Variants in RSBN1 observed in about 807,000 individuals in gnomAD.
RSBN1 encodes the protein lysine-specific demethylase 9.
In RSBN1, 23 loss-of-function variants were observed where a neutral mutation model predicts 74.8. The observed-to-expected ratio is 0.31, with a 90% CI of 0.22 to 0.44. The LOEUF (loss-of-function observed/expected upper bound fraction) is 0.44. Among genes scored for constraint, RSBN1 ranks in the 20% least tolerant of loss-of-function variants. The pLI is 1.00. For missense variants in RSBN1, 808 were observed against 1,020.9 expected (o/e 0.79, Z 2.84); for synonymous variants, 407 against 379.6 (o/e 1.07, Z -0.84).
rs369673113 is a variant in RSBN1, at chr1:113,812,013, C to T, written c.400G>A (p.Val134Ile). ...PLPPTNAAPTVPGPVEPLLLP... is the reference protein window; with the variant it reads ...PLPPTNAAPTIPGPVEPLLLP... ...AGAAGAGGCTCAACAGGGCCTGGGA[C>T]AGTTGGGGCTGCATTCGTTGGCGGC... is the stretch of plus-strand genomic sequence containing the variant. The change falls in exon 1 of 7, where the codon GTC becomes ATC. Residue 134 changes from valine (V) to isoleucine (I), a missense_variant. Physicochemically the swap from Val to Ile is conservative, Grantham distance 29 (BLOSUM62 3). This residue lies in a region of RSBN1 where 464 missense variants were observed against 401.0 expected (regional missense o/e 1.16). Transcript: ENST00000261441. The T allele has an allele frequency of 1.4e-5, 22 of 1,541,472 alleles. No homozygotes were observed. The highest frequency in any genetic ancestry group is 1.7e-5 in the Non-Finnish European group (19 of 1,144,202).
At chr1:113,779,591 A>T (rs964908008) in intron 2 of RSBN1, among the ~76,000 whole-genome samples, 67 of 152,364 alleles carry the variant, frequency 4.4e-4, no homozygotes, top group African/African-American at 1.4e-3. Flanking sequence ...ATCATGGGAT[A>T]TAGAGATAAG....
At chr1:113,792,485 T>C (rs2101813638) in intron 2 of RSBN1, among the ~76,000 whole-genome samples, 1 of 152,284 alleles carries the variant, frequency 6.6e-6, no homozygotes, top group Non-Finnish European at 1.5e-5. Flanking sequence ...GGAGAATCCG[T>C]TGAGACCAGG....
intron 2 of RSBN1, among the ~76,000 whole-genome samples, chr1:113,791,640 A>G (rs968977511): frequency 6.6e-6 from 1 of 152,184 alleles, no homozygotes; most frequent in African/African-American, 2.4e-5. Context: ...TGTGAATAGA[A>G]AGGCATTCCT....
At chr1:113,792,669 T>C (rs1660389864) in intron 2 of RSBN1, among the ~76,000 whole-genome samples, 1 of 152,218 alleles carries the variant, frequency 6.6e-6, no homozygotes, top group African/African-American at 2.4e-5. Context: ...CTGAAGTTTA[T>C]GTACTGGGGT....
In RSBN1 at chr1:113,797,568, A is replaced by C; in HGVS notation, c.1172T>G (p.Phe391Cys). Reference protein sequence around the residue: ...SFLSPMEMERFSEEFLALTFS... With the variant: ...SFLSPMEMERCSEEFLALTFS... ...TGTCAAAGCAAGAAACTCCTCAGAA[A>C]ATCTCTCCATCTCCATTGGAGACAA... The change falls in exon 2 of 7, where the codon TTT (phenylalanine) becomes TGT (cysteine). Residue 391 changes from phenylalanine (F) to cysteine (C), a missense_variant. By Grantham distance (205) the Phe-to-Cys change is radical (BLOSUM62 -2). Coordinates refer to ENST00000261441, the MANE Select transcript of RSBN1 (RefSeq NM_018364.5). 6.2e-7 allele frequency: 1 copy of C among 1,612,196 alleles called. No homozygotes were observed. Among genetic ancestry groups the C allele is most frequent in the Non-Finnish European group, 8.5e-7 (1 of 1,178,942 alleles).
chr1:113,768,029 G>T (rs537092720), intron 5 of RSBN1, 193 bp downstream of exon 5: 83 of 445,602 alleles, frequency 1.9e-4, no homozygotes, highest in Non-Finnish European at 2.7e-4. Context: ...AAGATGAAAA[G>T]GTTCTGGAGC....
chr1:113,798,999 T>C (rs1046882850), intron 1 of RSBN1, among the ~76,000 whole-genome samples: 1 of 152,178 alleles, frequency 6.6e-6, no homozygotes, highest in South Asian at 2.1e-4. Flanking sequence ...TCAGCACTTA[T>C]ACTCTGTGTT....
At chr1:113,772,619 T>C (rs548533902) in intron 4 of RSBN1, among the ~76,000 whole-genome samples, 33 of 152,220 alleles carry the variant, frequency 2.2e-4, no homozygotes, top group Admixed American at 7.2e-4. Context: ...CCTTGGTAAC[T>C]GAACAGCTTC....
intron 4 of RSBN1, among the ~76,000 whole-genome samples, chr1:113,775,949 C>T (rs1258851106): frequency 6.6e-6 from 1 of 152,154 alleles, no homozygotes. Flanking sequence ...CTCCTATGAG[C>T]CTTAAGTTAA....
intron 1 of RSBN1, among the ~76,000 whole-genome samples, chr1:113,808,728 A>G (rs1374897934): frequency 6.6e-6 from 1 of 152,224 alleles, no homozygotes; most frequent in Non-Finnish European, 1.5e-5. Flanking sequence ...CACATACTGT[A>G]TGATTCAACT....
Position 113,811,946 on chromosome 1 carries a change from G to A in RSBN1, c.467C>T (p.Pro156Leu), listed in dbSNP as rs1458795742. Residue 156 changes from proline (P) to leucine (L), a missense_variant, in exon 1 of 7, where the codon CCC becomes CTC. Physicochemically the swap from Pro to Leu is moderately conservative, Grantham distance 98. Transcript: ENST00000261441. ...GGCCGGGAGAGGGGCAGCGACAGCG[G>A]GCCCGGCGGGTGCCAGCGAAGGTGG... ...PPPPSLAPAGPAVAAPLPAPS... is the reference protein window; with the variant it reads ...PPPPSLAPAGLAVAAPLPAPS... 2 of 1,592,526 alleles carry A rather than the reference G, an allele frequency of 1.3e-6. No homozygotes were observed. Among genetic ancestry groups the A allele is most frequent in the South Asian group, 2.2e-5 (2 of 89,414 alleles).
intron 2 of RSBN1, among the ~76,000 whole-genome samples, chr1:113,788,579 T>C (rs930650672): frequency 6.6e-6 from 1 of 152,130 alleles, no homozygotes; most frequent in Non-Finnish European, 1.5e-5. Flanking sequence ...CAGGAATCAT[T>C]ATGGCATTGG....
In RSBN1 at chr1:113,812,337, G is replaced by A. The variant is rs1660892492; in HGVS notation, c.76C>T (p.Arg26Trp). 1 of 1,603,736 alleles carries A rather than the reference G, an allele frequency of 6.2e-7. No individual in the cohort carries two copies. Among genetic ancestry groups the A allele is most frequent in the Non-Finnish European group, 8.5e-7 (1 of 1,179,624 alleles). The change falls in exon 1 of 7, where the codon CGG becomes TGG. Residue 26 changes from arginine to tryptophan, a missense_variant. Physicochemically the swap from Arg to Trp is moderately radical, Grantham distance 101. Transcript: ENST00000261441. ...TCCGCGCATCGCGCAAGCGCCGCCCGCGCACTGCCCGCTGGGCATTGGAGT... is the reference window on the plus strand; with the variant it reads ...TCCGCGCATCGCGCAAGCGCCGCCCACGCACTGCCCGCTGGGCATTGGAGT... The part of the protein sequence containing the change: ...ERLQCPAGSA[R>W]AALARCADGG...
rs1255206835 is a variant in RSBN1, at chr1:113,762,400, G to A, written c.*3580C>T. ...TTCAAGACAAGGATAGGTCCCTTAC[G>A]TGCTAAAGAAAAACATTTGTACTGT... is the stretch of plus-strand genomic sequence containing the variant. On this transcript the variant is annotated 3_prime_UTR_variant, in exon 7 of 7. Coordinates refer to ENST00000261441, the MANE Select transcript of RSBN1 (RefSeq NM_018364.5). 2 of 152,454 alleles carry A rather than the reference G, an allele frequency of 1.3e-5. No homozygotes were observed. The highest frequency in any genetic ancestry group is 2.9e-5 in the Non-Finnish European group (2 of 68,012). 9.4% of individuals were successfully genotyped at this position (152,454 alleles called of 1,614,324 possible).
In RSBN1 at chr1:113,812,053, T is replaced by C. The variant is rs1428233821; in HGVS notation, c.360A>G (p.Gln120=). Residue 120 remains glutamine, a synonymous_variant, in exon 1 of 7, where the codon CAA becomes CAG. Transcript: ENST00000261441. ...APPHRRRRSR[Q]HPGPLPPTNA... ...TCGTTGGCGGCAGCGGCCCAGGATG[T>C]TGGCGGCTGCGACGCCGCCGGTGAG... 1.3e-5 allele frequency: 20 copies of C among 1,547,936 alleles called. No homozygotes were observed. Among genetic ancestry groups the C allele is most frequent in the Non-Finnish European group, 1.6e-5 (18 of 1,149,512 alleles).
At position 113,812,191 on chromosome 1, in the gene RSBN1, C is replaced by G; in HGVS notation, c.222G>C (p.Glu74Asp). The change falls in exon 1 of 7, where the codon GAG becomes GAC. Residue 74 changes from glutamate to aspartate, a missense_variant. Physicochemically the swap from Glu to Asp is conservative, Grantham distance 45. Coordinates refer to ENST00000261441, the MANE Select transcript of RSBN1 (RefSeq NM_018364.5). ...GCGGGGAGACCCCAGCATGAGGTTTCTCCTTCCCCTCTTTGTCCGGCTCCT... is the reference window on the plus strand; with the variant it reads ...GCGGGGAGACCCCAGCATGAGGTTTGTCCTTCCCCTCTTTGTCCGGCTCCT... ...AQEEPDKEGK[E>D]KPHAGVSPRG... is the part of the protein sequence containing the mutation. 6.2e-7 allele frequency: 1 copy of G among 1,608,524 alleles called. No individual in the cohort carries two copies. The highest frequency in any genetic ancestry group is 8.5e-7 in the Non-Finnish European group (1 of 1,179,884).
At position 113,765,740 on chromosome 1, in the gene RSBN1, C is replaced by A; in HGVS notation, c.*240G>T. On this transcript the variant is annotated 3_prime_UTR_variant, in exon 7 of 7. Coordinates refer to ENST00000261441, the MANE Select transcript of RSBN1 (RefSeq NM_018364.5). ...AAGAGATTGAATTGTTACCTCACAC[C>A]TTAAAACAGAAAGTAGCAGCAGACC... 2.5e-6 allele frequency: 1 copy of A among 398,936 alleles called. No homozygotes were observed. Among genetic ancestry groups the A allele is most frequent in the Non-Finnish European group, 4.5e-6 (1 of 220,860 alleles). The allele number at this position is 398,936 out of a possible 1,614,324, so 24.7% of individuals were successfully genotyped here. A position where few individuals can be genotyped will look rare whatever the true frequency, so the allele number is the denominator to read the frequency against.
chr1:113,763,927 A>C lies in RSBN1; in HGVS notation c.*2053T>G, dbSNP rs1571290595. 6.6e-6 allele frequency: 1 copy of C among 152,580 alleles called. No individual in the cohort carries two copies. The highest frequency in any genetic ancestry group is 6.6e-5 in the Admixed American group (1 of 15,264). The allele number at this position is 152,580 out of a possible 1,614,324, so 9.5% of individuals were successfully genotyped here. On this transcript the variant is annotated 3_prime_UTR_variant, in exon 7 of 7. Coordinates refer to ENST00000261441, the MANE Select transcript of RSBN1 (RefSeq NM_018364.5). ...GGAGATGGGGAAATCGGATCTTGGA[A>C]GACAAGAAAAAATTAAAAAAAAAAA...
At chr1:113,804,548 G>A (rs1285439281) in intron 1 of RSBN1, among the ~76,000 whole-genome samples, 1 of 152,116 alleles carries the variant, frequency 6.6e-6, no homozygotes, top group South Asian at 2.1e-4. Flanking sequence ...CCCATTAGAT[G>A]ATCAACTAAG....
Sources: allele counts gnomAD v4.1 joint callset (sites outside exome capture counted in the v4.1 genomes callset), GRCh38; gene constraint gnomAD v4.1.1; regional missense constraint gnomAD v4.1.1; transcripts MANE v1.5; gene names NCBI Gene and HGNC (gene_info 2026-07-23, HGNC 2026-07-21).